The following DPP6 variants were observed in gnomAD, a reference collection of about 807,000 sequenced individuals.
The protein encoded by DPP6 is A-type potassium channel modulatory protein DPP6.
A neutral mutation model predicts 122.6 loss-of-function variants in DPP6; 69 were observed. The observed-to-expected ratio is 0.56, with a 90% CI of 0.46 to 0.69. DPP6 has a LOEUF of 0.69. Among genes scored for constraint, DPP6 ranks in the 30% least tolerant of loss-of-function variants. The pLI is 0.00. For synonymous variants in DPP6, 418 were observed against 433.1 expected, an observed-to-expected ratio of 0.97 and a Z score of 0.43; for missense variants, 928 against 1,116.9, an observed-to-expected ratio of 0.83 and a Z score of 2.41.
At chr7:154,404,097 G>A (rs144810698) in intron 1 of DPP6, among the ~76,000 whole-genome samples, 14 of 152,294 alleles carry the variant, frequency 9.2e-5, no homozygotes, top group African/African-American at 3.1e-4. Flanking sequence ...TTGCAGAGAG[G>A]AAGCTGAGCT....
At chr7:154,266,979 A>G (rs972115570) in intron 1 of DPP6, among the ~76,000 whole-genome samples, 11 of 152,212 alleles carry the variant, frequency 7.2e-5, no homozygotes, top group Non-Finnish European at 1.0e-4. Context: ...TGATAAAGCA[A>G]TTAAAACATC....
rs1005957191 is a variant in DPP6, at chr7:154,894,113, C to G, written c.*1633C>G. On this transcript the variant is annotated 3_prime_UTR_variant, in exon 26 of 26. Coordinates refer to ENST00000377770, the MANE Select transcript of DPP6 (RefSeq NM_130797.4). ...GGACCAACGTGCTGATAAACAGGAC[C>G]GATCCGAGTGCTACATGACTGTGCG... is the stretch of plus-strand genomic sequence containing the variant. The G allele has an allele frequency of 2.0e-5, 3 of 152,180 alleles. No homozygotes were observed. Among genetic ancestry groups the G allele is most frequent in the African/African-American group, 4.8e-5 (2 of 41,424 alleles). 9.4% of individuals were successfully genotyped at this position (152,180 alleles called of 1,614,324 possible). A position where few individuals can be genotyped will look rare whatever the true frequency, so the allele number is the denominator to read the frequency against.
At chr7:153,950,314 C>T (rs1427394501) in intron 1 of DPP6, among the ~76,000 whole-genome samples, 1 of 151,952 alleles carries the variant, frequency 6.6e-6, no homozygotes, top group Non-Finnish European at 1.5e-5. Context: ...ATAACAAGGC[C>T]CAAGAGAGCC....
At chr7:154,083,444 C>T (rs1170494160) in intron 1 of DPP6, among the ~76,000 whole-genome samples, 9 of 151,386 alleles carry the variant, frequency 5.9e-5, no homozygotes, top group East Asian at 1.9e-4. Context: ...AGGAGAATAG[C>T]GTTGCCATCC....
chr7:153,967,463 C>A (rs918557088), intron 1 of DPP6, among the ~76,000 whole-genome samples: 1 of 152,168 alleles, frequency 6.6e-6, no homozygotes, highest in Non-Finnish European at 1.5e-5. Context: ...GCAGTAGTTA[C>A]AACAACTCCG....
At chr7:153,833,752 T>G in the DPP6 span, among the ~76,000 whole-genome samples, 2 of 152,114 alleles carry the variant, frequency 1.3e-5, no homozygotes, top group African/African-American at 4.8e-5. Context: ...CACTACATAG[T>G]TGGCATGCAC....
chr7:154,271,263 A>T (rs145390954), intron 1 of DPP6, among the ~76,000 whole-genome samples: 3 of 152,340 alleles, frequency 2.0e-5, no homozygotes, highest in East Asian at 3.9e-4. Context: ...CCAATCAGAC[A>T]GGTACCAGAG....
intron 1 of DPP6, among the ~76,000 whole-genome samples, chr7:154,091,163 A>T (rs1203880196): frequency 6.6e-6 from 1 of 152,006 alleles, no homozygotes; most frequent in East Asian, 1.9e-4. Context: ...AGTCGTATTT[A>T]TTGGGAAGCC....
chr7:154,754,833 G>A (rs945827740), intron 8 of DPP6, among the ~76,000 whole-genome samples: 6 of 152,118 alleles, frequency 3.9e-5, no homozygotes, highest in Admixed American at 6.6e-5. Flanking sequence ...GCAGGGACAT[G>A]GATGAAGCTG....
At chr7:154,346,468 G>A (rs376802099) in intron 1 of DPP6, among the ~76,000 whole-genome samples, 7 of 152,106 alleles carry the variant, frequency 4.6e-5, no homozygotes, top group East Asian at 1.9e-4. Context: ...CACCATGCCC[G>A]TCTAATTTTT....
chr7:154,155,454 C>T (rs1796630621), intron 1 of DPP6, among the ~76,000 whole-genome samples: 1 of 152,246 alleles, frequency 6.6e-6, no homozygotes, highest in African/African-American at 2.4e-5. Flanking sequence ...AATTAGGGTC[C>T]AGGCCACAGA....
chr7:153,817,381 C>A, the DPP6 span, among the ~76,000 whole-genome samples: 1 of 139,712 alleles, frequency 7.2e-6, no homozygotes, highest in Non-Finnish European at 1.6e-5. Flanking sequence ...CATATAAAAT[C>A]CACATGAATT....
rs529155445 is a variant in DPP6 at position 154,205,627 on chromosome 7, T to G, written c.243+152564T>G. Among the ~76,000 whole-genome samples the G allele has an allele frequency of 2.0e-5, 3 of 152,212 alleles. No homozygotes were observed. The East Asian group carries it at 5.8e-4, about 29-fold the overall frequency. ...CCTGAAGGCTGAGAGACCTGAGGTG[T>G]CATGCCCAGGGATCACCCATGGCAC... is the stretch of plus-strand genomic sequence containing the variant. On this transcript the variant is annotated intron_variant, in intron 1 of 25. Coordinates refer to ENST00000377770, the MANE Select transcript of DPP6 (RefSeq NM_130797.4).
chr7:154,649,799 GC>G (rs1399208163), intron 6 of DPP6, among the ~76,000 whole-genome samples: 4 of 152,194 alleles, frequency 2.6e-5, no homozygotes, highest in African/African-American at 9.7e-5. Context: ...TGACATATCA[GC>G]CGCGAAGACA....
intron 1 of DPP6, among the ~76,000 whole-genome samples, chr7:154,090,156 C>T (rs1585352260): frequency 6.7e-6 from 1 of 150,288 alleles, no homozygotes; most frequent in East Asian, 2.0e-4. Context: ...ATCTCAGTCT[C>T]TGGAGCCATT....
At chr7:154,621,794 C>T (rs1331011117) in intron 5 of DPP6, among the ~76,000 whole-genome samples, 1 of 152,138 alleles carries the variant, frequency 6.6e-6, no homozygotes, top group Admixed American at 6.5e-5. Context: ...GTTTCCATGA[C>T]CTCCCTGCCC....
the DPP6 span, among the ~76,000 whole-genome samples, chr7:153,857,696 A>G: frequency 1.3e-3 from 199 of 152,354 alleles, 3 homozygotes; most frequent in African/African-American, 4.2e-3. Flanking sequence ...TAGACTAAGT[A>G]TCATGCTTAG....
chr7:154,862,315 C>A (rs1394290940), intron 17 of DPP6, among the ~76,000 whole-genome samples: 1 of 152,244 alleles, frequency 6.6e-6, no homozygotes, highest in Non-Finnish European at 1.5e-5. Flanking sequence ...CAGCAGGCTC[C>A]TATGGATGCA....
At chr7:154,809,677 A>G (rs111517044) in intron 16 of DPP6, among the ~76,000 whole-genome samples, 4 of 152,196 alleles carry the variant, frequency 2.6e-5, no homozygotes, top group Non-Finnish European at 5.9e-5. Context: ...GTGTTTCAAG[A>G]TGAAAGGTAA....
Sources: gnomAD v4.1 joint callset for allele counts (sites outside exome capture counted in the v4.1 genomes callset) on GRCh38, gnomAD v4.1.1 for gene constraint, MANE v1.5 for transcripts, NCBI Gene and HGNC (gene_info 2026-07-23, HGNC 2026-07-21) for gene names.